KRT84: variants seen among roughly 807,000 people sequenced by gnomAD.
KRT84 encodes keratin 84.
A neutral mutation model predicts 49.0 loss-of-function variants in KRT84; 38 were observed. That is an observed-to-expected ratio of 0.78 (90% CI 0.60 to 1.02). KRT84 has a LOEUF of 1.02. Ranked by LOEUF, KRT84 falls within the 50% of genes least tolerant of loss-of-function variation. KRT84 has a pLI of 0.00. For synonymous variants in KRT84, 334 were observed against 312.8 expected, an observed-to-expected ratio of 1.07 and a Z score of -0.72; for missense variants, 860 against 788.6, an observed-to-expected ratio of 1.09 and a Z score of -1.08.
At chr12:52,380,720 A>G in intron 6 of KRT84, 137 bp from the exon 7 acceptor site, 2 of 888,588 alleles carry the variant, frequency 2.3e-6, no homozygotes, top group East Asian at 2.7e-5. Flanking sequence ...CTGCTTTCCC[A>G]GGCACTGGAG....
chr12:52,378,212 G>A lies in KRT84; in HGVS notation c.1625C>T (p.Ala542Val). The A allele has an allele frequency of 6.4e-7, 1 of 1,572,912 alleles. No individual in the cohort carries two copies. The highest frequency in any genetic ancestry group is 8.6e-7 in the Non-Finnish European group (1 of 1,160,454). ...PSLGGARVAP[A>V]TGDLLSTGTR... is the part of the protein sequence containing the mutation. ...GCCAGTGCTCAGCAGGTCCCCAGTG[G>A]CCGGGGCGACCCGGGCTCCACCCAG... The change falls in exon 9 of 9, where the codon GCC (alanine) becomes GTC (valine). Residue 542 changes from alanine to valine, a missense_variant. Ala to Val is a moderately conservative substitution (Grantham distance 64, BLOSUM62 0). Coordinates refer to ENST00000257951, the MANE Select transcript of KRT84 (RefSeq NM_033045.4).
At chr12:52,382,257 G>C (rs555138873) in intron 4 of KRT84, among the ~76,000 whole-genome samples, 180 bp downstream of exon 4, 1 of 152,184 alleles carries the variant, frequency 6.6e-6, no homozygotes, top group East Asian at 1.9e-4. Flanking sequence ...CTGCTGAAAA[G>C]CCTGCTCACC....
intron 2 of KRT84, 114 bp downstream of exon 2, chr12:52,383,474 ATG>A (rs1258773367): frequency 1.6e-6 from 1 of 617,592 alleles, no homozygotes; most frequent in African/African-American, 2.0e-5. Flanking sequence ...CCCAGGCTTG[ATG>A]TGGTAACCAG....
At position 52,378,912 on chromosome 12, in the gene KRT84, T is replaced by C. The variant is rs141416483; in HGVS notation, c.1457-532A>G. Among the ~76,000 whole-genome samples, 152 of 152,344 alleles carry C rather than the reference T, an allele frequency of 1.0e-3. 2 individuals are homozygous for C. The East Asian group carries it at 0.026, about 26-fold the overall frequency. On this transcript the variant is annotated intron_variant, in intron 8 of 8. Coordinates refer to ENST00000257951, the MANE Select transcript of KRT84 (RefSeq NM_033045.4). Reference sequence around the variant, plus strand: ...CTGCTCTCCCTTGGACACAACTCCATGCCTCAGGACTCAAATCCACAGAAG... The same window carrying C: ...CTGCTCTCCCTTGGACACAACTCCACGCCTCAGGACTCAAATCCACAGAAG...
rs552538969 is a variant in KRT84 at position 52,378,265 on chromosome 12, A to G, written c.1572T>C (p.Ser524=). 42 of 1,554,458 alleles carry G rather than the reference A, an allele frequency of 2.7e-5. No individual in the cohort carries two copies. The highest frequency in any genetic ancestry group is 3.6e-5 in the Non-Finnish European group (41 of 1,151,050). Residue 524 remains serine (S), a synonymous_variant, in exon 9 of 9, where the codon AGT becomes AGC. Transcript: ENST00000257951. ...TGGGGCCACAGGAAGCCAGGACCCCACTGGTGGCACAGACGCTGCTGCTAC... is the reference window on the plus strand; with the variant it reads ...TGGGGCCACAGGAAGCCAGGACCCCGCTGGTGGCACAGACGCTGCTGCTAC... ...FSGSSSVCAT[S]GVLASCGPSL... is the part of the protein sequence containing the mutation.
At chr12:52,380,675 G>A in intron 6 of KRT84, 92 bp from the exon 7 acceptor site, 2 of 1,321,584 alleles carry the variant, frequency 1.5e-6, no homozygotes, top group Admixed American at 2.3e-5. Context: ...TGGGAACATA[G>A]CCTGGGGCCA....
chr12:52,385,139 G>C lies in KRT84; in HGVS notation c.447C>G (p.Pro149=). 1 of 1,598,804 alleles carries C rather than the reference G, an allele frequency of 6.3e-7. No homozygotes were observed. The change falls in exon 1 of 9, where the codon CCC becomes CCG. Residue 149 remains proline, a synonymous_variant. Coordinates refer to ENST00000257951, the MANE Select transcript of KRT84 (RefSeq NM_033045.4). The part of the protein sequence containing the change: ...AVTVNKSLLT[P]LNLEIDPNAQ... The stretch of plus-strand genomic sequence containing the variant: ...CATTGGGGTCAATCTCCAGGTTGAG[G>C]GGGGTCAGTAGGCTCTTGTTCACAG...
intron 2 of KRT84, 37 bp from the exon 3 acceptor site, chr12:52,383,102 G>T: frequency 6.4e-7 from 1 of 1,565,378 alleles, no homozygotes; most frequent in Non-Finnish European, 8.8e-7. Flanking sequence ...TGCTTACTCT[G>T]AACTGAGAGG....
chr12:52,385,659 A>T, upstream of KRT84: 1 of 1,417,408 alleles, frequency 7.1e-7, no homozygotes, highest in Non-Finnish European at 9.7e-7. Flanking sequence ...CTCTGAGGCC[A>T]GTGGAACCCT....
intron 4 of KRT84, 146 bp from the exon 5 acceptor site, chr12:52,381,671 T>C: frequency 1.3e-6 from 1 of 793,340 alleles, no homozygotes; most frequent in South Asian, 1.8e-5. Flanking sequence ...AAATTGATGA[T>C]AAAGAAAAAG....
In KRT84 at chr12:52,383,032, A is replaced by G. The variant is rs1460406979; in HGVS notation, c.789T>C (p.Ala263=). The change falls in exon 3 of 9, where the codon GCT becomes GCC. Residue 263 remains alanine (A), a synonymous_variant. Coordinates refer to ENST00000257951, the MANE Select transcript of KRT84 (RefSeq NM_033045.4). ...YEEEVVCRAN[A]ENEFVALKKD... ...TCTTCAGAGCCACAAACTCATTCTCAGCATTGGCCCGACATACCACTTCCT... is the reference window on the plus strand; with the variant it reads ...TCTTCAGAGCCACAAACTCATTCTCGGCATTGGCCCGACATACCACTTCCT... 11 of 1,613,876 alleles carry G rather than the reference A, an allele frequency of 6.8e-6. No individual in the cohort carries two copies. In the Admixed American group the frequency reaches 1.3e-4, roughly 20 times the overall value.
upstream of KRT84, among the ~76,000 whole-genome samples, chr12:52,385,808 A>G (rs1939566204): frequency 6.6e-6 from 1 of 152,278 alleles, no homozygotes; most frequent in Non-Finnish European, 1.5e-5. Context: ...GTTAACTCAG[A>G]CACACCTAGT....
chr12:52,379,396 C>T (rs1384731340), intron 8 of KRT84, among the ~76,000 whole-genome samples: 2 of 152,216 alleles, frequency 1.3e-5, no homozygotes, highest in Non-Finnish European at 2.9e-5. Context: ...TGGGTCTTGC[C>T]TTGCCAGTGT....
In KRT84 at chr12:52,381,427, G is replaced by T; in HGVS notation, c.1011C>A (p.Val337=). ...DLNLDGIIAE[V]KAQYEEVARR... is the part of the protein sequence containing the mutation. ...TGGCCACCTCCTCATACTGGGCCTT[G>T]ACCTCAGCAATGATCCCATCAAGGT... is the stretch of plus-strand genomic sequence containing the variant. Residue 337 remains valine (V), a synonymous_variant, in exon 5 of 9, where the codon GTC becomes GTA. Coordinates refer to ENST00000257951, the MANE Select transcript of KRT84 (RefSeq NM_033045.4). 2.5e-6 allele frequency: 4 copies of T among 1,614,146 alleles called. No homozygotes were observed. Among genetic ancestry groups the T allele is most frequent in the Non-Finnish European group, 3.4e-6 (4 of 1,180,028 alleles).
At position 52,379,398 on chromosome 12, in the gene KRT84, T is replaced by C. The variant is rs578212944; in HGVS notation, c.1456+478A>G. Among the ~76,000 whole-genome samples the C allele has an allele frequency of 1.2e-4, 19 of 152,354 alleles. No individual in the cohort carries two copies. In the East Asian group the frequency reaches 2.9e-3, roughly 23 times the overall value. ...AGAGAGCGTGGGCTGGGTCTTGCCT[T>C]GCCAGTGTCCCCAGACTGCCATGCC... On this transcript the variant is annotated intron_variant, in intron 8 of 8. Coordinates refer to ENST00000257951, the MANE Select transcript of KRT84 (RefSeq NM_033045.4).
At position 52,383,810 on chromosome 12, in the gene KRT84, G is replaced by A. The variant is rs192588570; in HGVS notation, c.547-12C>T. 385 of 1,608,194 alleles carry A rather than the reference G, an allele frequency of 2.4e-4. 2 individuals carry two copies. In the African/African-American group the frequency reaches 4.8e-3, roughly 20 times the overall value. ...TCTAGGAACCGAACCTAAATCCACA[G>A]GGCACAGAAATGGCATTTGAAGTGC... On this transcript the variant is annotated splice_polypyrimidine_tract_variant and intron_variant, in intron 1 of 8. Coordinates refer to ENST00000257951, the MANE Select transcript of KRT84 (RefSeq NM_033045.4).
chr12:52,383,702 C>T lies in KRT84; in HGVS notation c.643G>A (p.Glu215Lys), dbSNP rs768072039. Residue 215 changes from glutamate (E) to lysine (K), a missense_variant, in exon 2 of 9, where the codon GAG becomes AAG. Coordinates refer to ENST00000257951, the MANE Select transcript of KRT84 (RefSeq NM_033045.4). The stretch of plus-strand genomic sequence containing the variant: ...CTCCGCAGGTTGGTGATGTAGCTCT[C>T]GAAGAGTGGCTCCAGATTGCTCCTG... ...CIRSNLEPLF[E>K]SYITNLRRQL... 231 of 1,614,064 alleles carry T rather than the reference C, an allele frequency of 1.4e-4. 2 individuals are homozygous for T. The Admixed American group carries it at 3.3e-3, about 23-fold the overall frequency.
In KRT84 at chr12:52,385,379, G is replaced by T. The variant is rs1592149121; in HGVS notation, c.207C>A (p.Gly69=). ...GGACTCCACAGTGGATGGGCCGAGAGCCTACAGCTGCTATCCGGGGTGAGT... is the reference window on the plus strand; with the variant it reads ...GGACTCCACAGTGGATGGGCCGAGATCCTACAGCTGCTATCCGGGGTGAGT... ...GSYSPRIAAV[G]SRPIHCGVRF... The change falls in exon 1 of 9, where the codon GGC becomes GGA. Residue 69 remains glycine, a synonymous_variant. Transcript: ENST00000257951. The T allele has an allele frequency of 1.9e-6, 3 of 1,614,230 alleles. No homozygotes were observed. The East Asian group carries it at 6.7e-5, about 36-fold the overall frequency.
At position 52,380,475 on chromosome 12, in the gene KRT84, TG is replaced by T. The variant is rs780292392; in HGVS notation, c.1311del (p.Lys438SerfsTer14). ...LADLECALQQ[A>X]KQDMARQLCE... ...CACAGCTGCCGCGCCATGTCCTGCT[TG>T]GCCTGCTGCAGGGCACACTCCAGAT... On this transcript the variant is annotated frameshift_variant, in exon 7 of 9. Transcript: ENST00000257951. LOFTEE classifies it high-confidence loss of function. The T allele has an allele frequency of 2.5e-6, 4 of 1,614,074 alleles. No homozygotes were observed. Among genetic ancestry groups the T allele is most frequent in the Non-Finnish European group, 3.4e-6 (4 of 1,179,886 alleles).
Sources: gnomAD v4.1 joint callset for allele counts (sites outside exome capture counted in the v4.1 genomes callset) on GRCh38, gnomAD v4.1.1 for gene constraint, MANE v1.5 for transcripts, NCBI Gene and HGNC (gene_info 2026-07-23, HGNC 2026-07-21) for gene names.